The following ERC1 variants were observed in gnomAD, a reference collection of about 807,000 sequenced individuals.
ERC1 encodes the protein RAB6 interacting protein 2.
A neutral mutation model predicts 132.0 loss-of-function variants in ERC1; 56 were observed. The ratio of observed to expected loss-of-function variants is 0.42; its 90% CI spans 0.34 to 0.53. ERC1 has a LOEUF of 0.53. Ranked by LOEUF, ERC1 falls within the 20% of genes least tolerant of loss-of-function variation. The pLI is 0.03. For missense variants in ERC1, 1,202 were observed against 1,349.9 expected (o/e 0.89, Z 1.72); for synonymous variants, 478 against 476.1 (o/e 1.00, Z -0.05).
intron 3 of ERC1, among the ~76,000 whole-genome samples, chr12:1,103,729 C>T (rs781366900): frequency 2.0e-5 from 3 of 152,102 alleles, no homozygotes; most frequent in Non-Finnish European, 4.4e-5. Context: ...GTAGAGATGA[C>T]ATCTTGCCAT....
intron 18 of ERC1, among the ~76,000 whole-genome samples, chr12:1,467,886 T>C (rs1191696233): frequency 1.3e-5 from 2 of 152,194 alleles, no homozygotes; most frequent in Non-Finnish European, 2.9e-5. Flanking sequence ...TGCGCTCATA[T>C]GAGAATCTAA....
chr12:1,170,683 GCAGTGA>G (rs1952961601), intron 8 of ERC1, among the ~76,000 whole-genome samples: 1 of 152,156 alleles, frequency 6.6e-6, no homozygotes, highest in Non-Finnish European at 1.5e-5. Flanking sequence ...ATCTTGACTG[GCAGTGA>G]CCTTTGGTCT....
intron 14 of ERC1, among the ~76,000 whole-genome samples, chr12:1,275,571 A>G (rs1594723611): frequency 6.6e-6 from 1 of 152,142 alleles, no homozygotes; most frequent in Non-Finnish European, 1.5e-5. Flanking sequence ...GGCAAAGGAG[A>G]TGGAGAGGTC....
chr12:1,221,934 T>C (rs1461557338), intron 12 of ERC1, among the ~76,000 whole-genome samples: 1 of 152,212 alleles, frequency 6.6e-6, no homozygotes, highest in Non-Finnish European at 1.5e-5. Context: ...TGTGGTATCA[T>C]TGTACAAATA....
intron 2 of ERC1, among the ~76,000 whole-genome samples, chr12:1,032,250 C>G (rs542735010): frequency 6.6e-5 from 10 of 152,208 alleles, no homozygotes; most frequent in Middle Eastern, 3.4e-3. Flanking sequence ...GAGGTTTCAC[C>G]ATGTTGGCCA....
chr12:1,243,522 A>G (rs1324404275), intron 13 of ERC1, among the ~76,000 whole-genome samples: 2 of 152,216 alleles, frequency 1.3e-5, no homozygotes, highest in Non-Finnish European at 2.9e-5. Context: ...GAGAGATGCT[A>G]TAATTTTCTT....
intron 15 of ERC1, among the ~76,000 whole-genome samples, chr12:1,298,162 A>G (rs2080108937): frequency 6.6e-6 from 1 of 152,224 alleles, no homozygotes; most frequent in Non-Finnish European, 1.5e-5. Flanking sequence ...GAAGTAGTAC[A>G]ATTTCTAATC....
intron 3 of ERC1, among the ~76,000 whole-genome samples, chr12:1,084,296 T>C (rs577962138): frequency 2.0e-5 from 3 of 152,368 alleles, no homozygotes; most frequent in African/African-American, 7.2e-5. Flanking sequence ...TTCAGGTAAT[T>C]TTCACTTTTG....
rs143470526 is a variant in ERC1 at position 992,178 on chromosome 12, A to G, written c.-157+856A>G. On this transcript the variant is annotated intron_variant, in intron 1 of 18. Transcript: ENST00000360905. Reference sequence around the variant, plus strand: ...TGTCTTCCAGTTTTTTTTCCCCCCAATGCCTAAAAGATCTCTTTATACCAC... The same window carrying G: ...TGTCTTCCAGTTTTTTTTCCCCCCAGTGCCTAAAAGATCTCTTTATACCAC... Among the ~76,000 whole-genome samples the G allele has an allele frequency of 8.2e-3, 1,245 of 152,108 alleles. 7 individuals carry two copies. Among genetic ancestry groups the G allele is most frequent in the Non-Finnish European group, 0.014 (941 of 67,964 alleles).
At chr12:1,351,230 A>G (rs1281770038) in intron 15 of ERC1, among the ~76,000 whole-genome samples, 1 of 152,258 alleles carries the variant, frequency 6.6e-6, no homozygotes, top group Non-Finnish European at 1.5e-5. Context: ...GCTCTGAAAT[A>G]TAGTCTAGTC....
intron 15 of ERC1, among the ~76,000 whole-genome samples, chr12:1,336,411 T>C (rs2083318363): frequency 6.6e-6 from 1 of 152,166 alleles, no homozygotes; most frequent in Admixed American, 6.5e-5. Context: ...CCTGTTAACA[T>C]TGTCTTAGCT....
chr12:1,285,183 A>G (rs2078961270), intron 14 of ERC1, among the ~76,000 whole-genome samples: 1 of 152,222 alleles, frequency 6.6e-6, no homozygotes, highest in African/African-American at 2.4e-5. Context: ...AGTCAATAAA[A>G]TTGCATTTAT....
intron 11 of ERC1, among the ~76,000 whole-genome samples, chr12:1,188,492 A>G (rs1245003685): frequency 6.6e-6 from 1 of 152,226 alleles, no homozygotes; most frequent in South Asian, 2.1e-4. Context: ...ACATTGGACA[A>G]CATTCAGTGC....
chr12:1,390,147 G>A (rs900727600), intron 16 of ERC1, among the ~76,000 whole-genome samples: 11 of 152,002 alleles, frequency 7.2e-5, no homozygotes, highest in African/African-American at 2.7e-4. Context: ...ATTTTCTTTG[G>A]TAGATTATTT....
chr12:1,028,593 C>T (rs1336566196), intron 2 of ERC1, 21 bp downstream of exon 2: 1 of 1,563,400 alleles, frequency 6.4e-7, no homozygotes, highest in African/African-American at 1.4e-5. Flanking sequence ...CGTGTGTTTA[C>T]CTTTATTGGC....
At position 1,060,342 on chromosome 12, in the gene ERC1, A is replaced by G. The variant is rs996898215; in HGVS notation, c.670-22822A>G. Among the ~76,000 whole-genome samples the G allele has an allele frequency of 2.0e-5, 3 of 151,322 alleles. 1 individual carries two copies. Among genetic ancestry groups the G allele is most frequent in the South Asian group, 4.2e-4 (2 of 4,750 alleles). On this transcript the variant is annotated intron_variant, in intron 2 of 18. Transcript: ENST00000360905. Reference sequence around the variant, plus strand: ...CCCTCCCCCCTTCCCCCACCCCACAACAGTCCCCAGAGTGTGATGTTCCCC... The same window carrying G: ...CCCTCCCCCCTTCCCCCACCCCACAGCAGTCCCCAGAGTGTGATGTTCCCC...
chr12:1,453,652 A>G (rs1365851975), intron 18 of ERC1, among the ~76,000 whole-genome samples: 4 of 152,202 alleles, frequency 2.6e-5, no homozygotes, highest in Admixed American at 1.3e-4. Context: ...CATTTTTTAC[A>G]TTATATATAA....
At chr12:1,234,825 G>T (rs146553551) in intron 12 of ERC1, among the ~76,000 whole-genome samples, 148 of 151,966 alleles carry the variant, frequency 9.7e-4, no homozygotes, top group African/African-American at 3.5e-3. Flanking sequence ...AATATTCCTG[G>T]GAAAATTCAT....
intron 11 of ERC1, among the ~76,000 whole-genome samples, chr12:1,188,100 TCA>T (rs1955310529): frequency 6.6e-6 from 1 of 152,186 alleles, no homozygotes; most frequent in African/African-American, 2.4e-5. Context: ...CAGAATTATC[TCA>T]GTGACGTTAA....
Sources: allele counts gnomAD v4.1 joint callset (sites outside exome capture counted in the v4.1 genomes callset), GRCh38; gene constraint gnomAD v4.1.1; transcripts MANE v1.5; gene names NCBI Gene and HGNC (gene_info 2026-07-23, HGNC 2026-07-21).